Variants in LRP1B observed in about 807,000 individuals in gnomAD.
LRP1B encodes low-density lipoprotein receptor-related protein 1B.
A neutral mutation model predicts 556.6 loss-of-function variants in LRP1B; 217 were observed. The ratio of observed to expected loss-of-function variants is 0.39; its 90% confidence interval spans 0.35 to 0.44. LRP1B has a LOEUF of 0.44. LRP1B is among the 20% of genes least tolerant of loss of function. The probability of loss-of-function intolerance (pLI) is 1.00; values close to 1 mark genes in which losing one functional copy is unlikely to be tolerated. For synonymous variants in LRP1B, 2,047 were observed against 1,865.8 expected (o/e 1.10, Z -2.50); for missense variants, 5,053 against 5,620.8 (o/e 0.90, Z 3.23).
At chr2:141,283,818 C>T (rs1281294043) in intron 3 of LRP1B, among the ~76,000 whole-genome samples, 1 of 140,074 alleles carries the variant, frequency 7.1e-6, no homozygotes, top group African/African-American at 2.7e-5. Context: ...GTGGGAGAGA[C>T]ACTTTAAAAG....
chr2:140,853,800 A>G (rs866947856), intron 27 of LRP1B, among the ~76,000 whole-genome samples: 2 of 152,184 alleles, frequency 1.3e-5, no homozygotes, highest in Non-Finnish European at 2.9e-5. Context: ...ATTCCTTTCT[A>G]CTGCACTTCT....
chr2:141,834,019 A>G (rs1053082883), intron 1 of LRP1B, among the ~76,000 whole-genome samples: 4 of 151,862 alleles, frequency 2.6e-5, no homozygotes, highest in African/African-American at 9.7e-5. Context: ...ACACAAAGGC[A>G]CTTAGAGAAA....
chr2:141,374,745 T>C (rs925140820), intron 3 of LRP1B, among the ~76,000 whole-genome samples: 2 of 152,188 alleles, frequency 1.3e-5, no homozygotes, highest in African/African-American at 4.8e-5. Context: ...ATCTCCTTGG[T>C]AAACTTTTCA....
At chr2:141,455,353 G>C (rs1190059708) in intron 3 of LRP1B, among the ~76,000 whole-genome samples, 4 of 151,864 alleles carry the variant, frequency 2.6e-5, no homozygotes, top group African/African-American at 9.7e-5. Context: ...ATGGATGAAT[G>C]CATCACACCC....
intron 51 of LRP1B, among the ~76,000 whole-genome samples, chr2:140,512,361 A>T (rs958157100): frequency 1.3e-5 from 2 of 152,156 alleles, no homozygotes; most frequent in African/African-American, 4.8e-5. Flanking sequence ...CAAAGAAAAA[A>T]TTCATGACTT....
chr2:141,383,212 AGAT>A (rs796455245), intron 3 of LRP1B, among the ~76,000 whole-genome samples: 16 of 152,300 alleles, frequency 1.1e-4, no homozygotes, highest in African/African-American at 3.8e-4. Flanking sequence ...GAAAGTCAAA[AGAT>A]GATAAGTGTT....
At chr2:140,955,180 C>G (rs79167611) in intron 18 of LRP1B, among the ~76,000 whole-genome samples, 1 of 151,728 alleles carries the variant, frequency 6.6e-6, no homozygotes, top group South Asian at 2.1e-4. Flanking sequence ...GAATAACTCC[C>G]GGGGTTTTCA....
At chr2:140,261,039 A>T (rs549315163) in intron 86 of LRP1B, among the ~76,000 whole-genome samples, 1 of 120,632 alleles carries the variant, frequency 8.3e-6, no homozygotes, top group East Asian at 2.1e-4. Context: ...TGTTGGTGAG[A>T]TATATATATA....
At chr2:141,428,538 G>T (rs1680455242) in intron 3 of LRP1B, among the ~76,000 whole-genome samples, 2 of 152,160 alleles carry the variant, frequency 1.3e-5, no homozygotes, top group South Asian at 4.1e-4. Context: ...TCACATGTAT[G>T]GGACTTTTAA....
chr2:140,408,221 G>A lies in LRP1B; in HGVS notation c.10415-22212C>T, dbSNP rs144696264. On this transcript the variant is annotated intron_variant, in intron 66 of 90. Coordinates refer to ENST00000389484, the MANE Select transcript of LRP1B (RefSeq NM_018557.3). ...TGAGGGATAAAAGGCTACATATAGG[G>A]TACAGTGTATATTGCTTGGGTGATG... 9.8e-3 allele frequency among the ~76,000 whole-genome samples: 1,486 copies of A among 151,916 alleles called. 7 individuals are homozygous for A. The highest frequency in any genetic ancestry group is 0.017 in the Non-Finnish European group (1,122 of 67,830).
chr2:140,256,450 T>C (rs1458273959), intron 86 of LRP1B, among the ~76,000 whole-genome samples: 8 of 2,658 alleles, frequency 3.0e-3, no homozygotes, highest in African/African-American at 9.7e-3. Flanking sequence ...TTTTCCTTCC[T>C]TTTTTTTTTT....
At chr2:140,545,224 C>T (rs1172932895) in intron 43 of LRP1B, among the ~76,000 whole-genome samples, 1 of 151,216 alleles carries the variant, frequency 6.6e-6, no homozygotes, top group Admixed American at 6.6e-5. Flanking sequence ...ATTTTTCTTC[C>T]ATTCTGTAGG....
At chr2:141,421,647 A>G (rs1680149275) in intron 3 of LRP1B, among the ~76,000 whole-genome samples, 1 of 152,238 alleles carries the variant, frequency 6.6e-6, no homozygotes, top group African/African-American at 2.4e-5. Context: ...ATAATACAGA[A>G]CAGACATATC....
chr2:140,714,796 A>T (rs1487558695), intron 37 of LRP1B, among the ~76,000 whole-genome samples: 2 of 152,078 alleles, frequency 1.3e-5, no homozygotes, highest in African/African-American at 2.4e-5. Flanking sequence ...TAAGTCCAAC[A>T]CTGTGATTGC....
At position 140,619,074 on chromosome 2, in the gene LRP1B, T is replaced by TACAC. The variant is rs113009077; in HGVS notation, c.6800-17439_6800-17436dup. 2.2e-3 allele frequency among the ~76,000 whole-genome samples: 323 copies of TACAC among 146,578 alleles called. 2 individuals are homozygous for TACAC. Among genetic ancestry groups the TACAC allele is most frequent in the Admixed American group, 4.4e-3 (64 of 14,534 alleles). On this transcript the variant is annotated intron_variant, in intron 41 of 90. Transcript: ENST00000389484. ...GAATCTGATGGTATGTATATCTATC[T>TACAC]ACACACACACACACACACACACACA...
At chr2:141,371,774 C>A (rs990512093) in intron 3 of LRP1B, among the ~76,000 whole-genome samples, 3 of 151,978 alleles carry the variant, frequency 2.0e-5, no homozygotes, top group Non-Finnish European at 4.4e-5. Context: ...TTGGTGGAGT[C>A]TTTAGGTTTT....
chr2:141,167,308 T>C, intron 7 of LRP1B: 1 of 151,882 alleles, frequency 6.6e-6, no homozygotes, highest in South Asian at 2.1e-4. Flanking sequence ...GACAGAAGAA[T>C]CTTCTTTGTA....
At chr2:141,940,317 AAG>A (rs567092079) in intron 1 of LRP1B, among the ~76,000 whole-genome samples, 3 of 152,194 alleles carry the variant, frequency 2.0e-5, no homozygotes, top group East Asian at 3.8e-4. Flanking sequence ...TTTATTAAAA[AAG>A]AAATATTTTC....
At chr2:140,670,892 A>T (rs1685456196) in intron 41 of LRP1B, among the ~76,000 whole-genome samples, 1 of 152,240 alleles carries the variant, frequency 6.6e-6, no homozygotes, top group African/African-American at 2.4e-5. Context: ...CTGAAGATGC[A>T]GAAACTGAAA....
Sources: gnomAD v4.1 joint callset for allele counts (sites outside exome capture counted in the v4.1 genomes callset) on GRCh38, gnomAD v4.1.1 for gene constraint, MANE v1.5 for transcripts, NCBI Gene and HGNC (gene_info 2026-07-23, HGNC 2026-07-21) for gene names.